The following VPS37C variants were observed in gnomAD, a reference collection of about 807,000 sequenced individuals.
VPS37C encodes vacuolar protein sorting-associated protein 37C.
Under a neutral mutation model 16.1 loss-of-function variants are expected in VPS37C, and 9 were observed. That is an observed-to-expected ratio of 0.56 (90% CI 0.34 to 0.97). The LOEUF is 0.97. VPS37C is among the 50% of genes least tolerant of loss of function. The probability of loss-of-function intolerance (pLI) is 0.02; values close to 1 mark genes in which losing one functional copy is unlikely to be tolerated. For missense variants in VPS37C, 479 were observed against 472.7 expected (o/e 1.01, Z -0.12); for synonymous variants, 207 against 206.4 (o/e 1.00, Z -0.02).
Position 61,131,114 on chromosome 11 carries a change from C to A in VPS37C, c.*706G>T. 1 of 231,644 alleles carries A rather than the reference C, an allele frequency of 4.3e-6. No homozygotes were observed. The allele number at this position is 231,644 out of a possible 1,614,324, so 14.3% of individuals were successfully genotyped here. A position where few individuals can be genotyped will look rare whatever the true frequency, so the allele number is the denominator to read the frequency against. On this transcript the variant is annotated 3_prime_UTR_variant, in exon 5 of 5. Coordinates refer to ENST00000301765, the MANE Select transcript of VPS37C (RefSeq NM_017966.5). ...CCTCTGGCCAGAGGGCCCAAGGCAG[C>A]CCCCTGGGTTCTCCAACCACTGCAA...
chr11:61,131,839 G>A lies in VPS37C; in HGVS notation c.1049C>T (p.Pro350Leu). 1 of 1,260,926 alleles carries A rather than the reference G, an allele frequency of 7.9e-7. No homozygotes were observed. The highest frequency in any genetic ancestry group is 1.0e-6 in the Non-Finnish European group (1 of 997,762). The allele number at this position is 1,260,926 out of a possible 1,614,324, so 78.1% of individuals were successfully genotyped here. A position where few individuals can be genotyped will look rare whatever the true frequency, so the allele number is the denominator to read the frequency against. The change falls in exon 5 of 5, where the codon CCT (proline) becomes CTT (leucine). Residue 350 changes from proline (P) to leucine (L), a missense_variant. Coordinates refer to ENST00000301765, the MANE Select transcript of VPS37C (RefSeq NM_017966.5). Reference sequence around the variant, plus strand: ...GTGTGTCTAATACCCAGGCCAGGCAGGCCCCGGCGGTGGTGGGAACCCATA... The same window carrying A: ...GTGTGTCTAATACCCAGGCCAGGCAAGCCCCGGCGGTGGTGGGAACCCATA... ...PPYGFPPPPGPAWPGY is the reference protein window; with the variant it reads ...PPYGFPPPPGLAWPGY
rs1456697954 is a variant in VPS37C at position 61,130,480 on chromosome 11, T to C, written c.*1340A>G. The C allele has an allele frequency of 5.1e-6, 1 of 195,520 alleles. No individual in the cohort carries two copies. The highest frequency in any genetic ancestry group is 1.8e-4 in the East Asian group (1 of 5,408). 12.1% of individuals were successfully genotyped at this position (195,520 alleles called of 1,614,324 possible). A position where few individuals can be genotyped will look rare whatever the true frequency, so the allele number is the denominator to read the frequency against. ...GCAGGCACCAGAAGGTCAAGGTCCC[T>C]CCTTGGCCCCAGCAGCCCCGGGCCC... is the stretch of plus-strand genomic sequence containing the variant. On this transcript the variant is annotated 3_prime_UTR_variant, in exon 5 of 5. Transcript: ENST00000301765.
In VPS37C at chr11:61,132,164, C is replaced by A; in HGVS notation, c.724G>T (p.Gly242Cys). 6.8e-7 allele frequency: 1 copy of A among 1,464,782 alleles called. No individual in the cohort carries two copies. Among genetic ancestry groups the A allele is most frequent in the Non-Finnish European group, 9.0e-7 (1 of 1,106,568 alleles). The allele number at this position is 1,464,782 out of a possible 1,614,324, so 90.7% of individuals were successfully genotyped here. Residue 242 changes from glycine to cysteine, a missense_variant, in exon 5 of 5, where the codon GGC becomes TGC. Coordinates refer to ENST00000301765, the MANE Select transcript of VPS37C (RefSeq NM_017966.5). ...AGCTGGGCTGCCGGGTAAGTGGGGC[C>A]CAGAGGCCCGCTGTAGAAGGAGGGC... ...SQPSFYSGPL[G>C]PTYPAAQLGP...
chr11:61,142,747 C>A (rs1227891347), intron 1 of VPS37C, among the ~76,000 whole-genome samples: 4 of 137,138 alleles, frequency 2.9e-5, no homozygotes, highest in Admixed American at 8.4e-5. Context: ...CTCCAGGAGT[C>A]CCCCTGAAAC....
chr11:61,130,432 G>T lies in VPS37C; in HGVS notation c.*1388C>A. The T allele has an allele frequency of 5.7e-6, 1 of 175,166 alleles. No homozygotes were observed. The highest frequency in any genetic ancestry group is 1.2e-5 in the Non-Finnish European group (1 of 83,056). 10.9% of individuals were successfully genotyped at this position (175,166 alleles called of 1,614,324 possible). On this transcript the variant is annotated 3_prime_UTR_variant, in exon 5 of 5. Coordinates refer to ENST00000301765, the MANE Select transcript of VPS37C (RefSeq NM_017966.5). ...GGCAGCGCTGACCTAGCGTCACGCG[G>T]ATGGCACATAGGCCGGGGAGGGGCA...
chr11:61,154,677 T>A (rs1170109021), intron 1 of VPS37C, among the ~76,000 whole-genome samples: 1 of 152,186 alleles, frequency 6.6e-6, no homozygotes, highest in Non-Finnish European at 1.5e-5. Flanking sequence ...AGTTACTGAC[T>A]GAAAAATTTC....
chr11:61,145,565 AG>A (rs1853191195), intron 1 of VPS37C: 2 of 152,410 alleles, frequency 1.3e-5, no homozygotes, highest in Admixed American at 1.3e-4. Context: ...GCCATCAGCG[AG>A]GCTGGAAGCA....
chr11:61,139,874 C>G (rs61898086), intron 1 of VPS37C, among the ~76,000 whole-genome samples: 1 of 151,692 alleles, frequency 6.6e-6, no homozygotes, highest in Admixed American at 6.6e-5. Context: ...CTCCCGATAG[C>G]TGGCACTATA....
intron 1 of VPS37C, among the ~76,000 whole-genome samples, chr11:61,146,911 G>A (rs972110733): frequency 1.2e-4 from 19 of 152,328 alleles, no homozygotes; most frequent in African/African-American, 3.8e-4. Flanking sequence ...GAGGCCAAGC[G>A]ACAGGCAGAG....
At chr11:61,152,190 T>C (rs1293673125) in intron 1 of VPS37C, among the ~76,000 whole-genome samples, 1 of 152,192 alleles carries the variant, frequency 6.6e-6, no homozygotes, top group Non-Finnish European at 1.5e-5. Context: ...AAGACCGCTG[T>C]ACTCACTGAG....
chr11:61,159,596 AC>A (rs1361836222), intron 1 of VPS37C, among the ~76,000 whole-genome samples: 1 of 152,018 alleles, frequency 6.6e-6, no homozygotes, highest in African/African-American at 2.4e-5. Flanking sequence ...GGAGTTCGAG[AC>A]CAGCCTGGCC....
intron 1 of VPS37C, among the ~76,000 whole-genome samples, chr11:61,157,680 C>T (rs1853400068): frequency 6.6e-6 from 1 of 152,152 alleles, no homozygotes; most frequent in Admixed American, 6.5e-5. Flanking sequence ...ATACTAATAT[C>T]AGACAAAGTA....
intron 1 of VPS37C, among the ~76,000 whole-genome samples, chr11:61,152,556 C>T (rs1178071716): frequency 1.3e-5 from 2 of 152,130 alleles, no homozygotes; most frequent in East Asian, 3.9e-4. Flanking sequence ...CTCCCATGGC[C>T]CTCCCATGGC....
intron 1 of VPS37C, among the ~76,000 whole-genome samples, chr11:61,158,909 A>G (rs1319182479): frequency 6.6e-6 from 1 of 152,258 alleles, no homozygotes; most frequent in African/African-American, 2.4e-5. Flanking sequence ...CAGTGCTGCC[A>G]TTAGACACCT....
At position 61,132,215 on chromosome 11, in the gene VPS37C, G is replaced by A. The variant is rs753861558; in HGVS notation, c.673C>T (p.Pro225Ser). 1 of 1,506,706 alleles carries A rather than the reference G, an allele frequency of 6.6e-7. No individual in the cohort carries two copies. Among genetic ancestry groups the A allele is most frequent in the South Asian group, 1.4e-5 (1 of 73,980 alleles). The allele number at this position is 1,506,706 out of a possible 1,614,324, so 93.3% of individuals were successfully genotyped here. A position where few individuals can be genotyped will look rare whatever the true frequency, so the allele number is the denominator to read the frequency against. The change falls in exon 5 of 5, where the codon CCG becomes TCG. Residue 225 changes from proline to serine, a missense_variant. Transcript: ENST00000301765. ...TGGGACACTACTGGGAAAGGGGCCG[G>A]TGGCAGGGCTCCATGGGCAGTGGGG... The part of the protein sequence containing the change: ...VGPTAHGALP[P>S]APFPVVSQPS...
At chr11:61,133,914 C>T in intron 3 of VPS37C, 122 bp downstream of exon 3, 1 of 1,209,246 alleles carries the variant, frequency 8.3e-7, no homozygotes, top group Non-Finnish European at 1.1e-6. Context: ...AACAACAGTA[C>T]CCACCCTTCT....
At chr11:61,139,723 C>T (rs1301164937) in intron 1 of VPS37C, among the ~76,000 whole-genome samples, 1 of 149,604 alleles carries the variant, frequency 6.7e-6, no homozygotes, top group Non-Finnish European at 1.5e-5. Flanking sequence ...GTATCTCTTC[C>T]AGAGGTGCAT....
intron 1 of VPS37C, among the ~76,000 whole-genome samples, chr11:61,142,973 G>C (rs1292001097): frequency 2.2e-4 from 11 of 50,318 alleles, no homozygotes; most frequent in East Asian, 1.1e-3. Flanking sequence ...AAAAAGAATA[G>C]CTAAAAAAAA....
intron 1 of VPS37C, among the ~76,000 whole-genome samples, chr11:61,149,696 C>A (rs1314782845): frequency 6.6e-6 from 1 of 152,176 alleles, no homozygotes; most frequent in African/African-American, 2.4e-5. Context: ...CATAAGCATA[C>A]ATAGGGGGAA....
Sources: gnomAD v4.1 joint callset for allele counts (sites outside exome capture counted in the v4.1 genomes callset) on GRCh38, gnomAD v4.1.1 for gene constraint, MANE v1.5 for transcripts, NCBI Gene and HGNC (gene_info 2026-07-23, HGNC 2026-07-21) for gene names.